Variants in ALKBH5 observed in about 807,000 individuals in gnomAD.
ALKBH5 encodes alkB homolog 5, RNA demethylase, also known as RNA demethylase ALKBH5.
In ALKBH5, 2 loss-of-function variants were observed where a neutral mutation model predicts 32.1. The ratio of observed to expected loss-of-function variants is 0.06; its 90% confidence interval spans 0.03 to 0.20. ALKBH5 has a LOEUF of 0.20. ALKBH5 is among the 10% of genes least tolerant of loss of function. The probability of loss-of-function intolerance (pLI) is 1.00; values close to 1 mark genes in which losing one functional copy is unlikely to be tolerated. For missense variants in ALKBH5, 352 were observed against 559.5 expected (o/e 0.63, Z 3.74); for synonymous variants, 300 against 231.7 (o/e 1.29, Z -2.68).
Position 18,184,336 on chromosome 17 carries a change from C to A in ALKBH5, c.93C>A (p.Ala31=). The A allele has an allele frequency of 6.6e-7, 1 of 1,510,006 alleles. No homozygotes were observed. The highest frequency in any genetic ancestry group is 2.6e-5 in the East Asian group (1 of 38,696). 93.5% of individuals were successfully genotyped at this position (1,510,006 alleles called of 1,614,324 possible). The change falls in exon 1 of 4, where the codon GCC becomes GCA. Residue 31 remains alanine (A), a synonymous_variant. Transcript: ENST00000399138. ...ATAAGGCGGGCAGCCGGGAGGCCGC[C>A]GCCGCTGCCGCAGCCGCCGTAGCCG... The part of the protein sequence containing the change: ...DNYKAGSREA[A]AAAAAAVAAA...
intron 1 of ALKBH5, among the ~76,000 whole-genome samples, chr17:18,192,039 C>T (rs1036248432): frequency 1.3e-5 from 2 of 152,036 alleles, no homozygotes; most frequent in Admixed American, 1.3e-4. Context: ...GTCTAGACCC[C>T]CATTCCCCCA....
chr17:18,196,407 A>G (rs977498599), intron 2 of ALKBH5, among the ~76,000 whole-genome samples: 2 of 152,096 alleles, frequency 1.3e-5, no homozygotes, highest in Non-Finnish European at 2.9e-5. Context: ...TTTCGTACAG[A>G]TGGGGTTTCC....
chr17:18,197,832 C>G (rs1026394293), intron 2 of ALKBH5, among the ~76,000 whole-genome samples: 7 of 152,204 alleles, frequency 4.6e-5, no homozygotes, highest in Non-Finnish European at 5.9e-5. Context: ...ACAGACTGGG[C>G]TGGAGTGCAG....
intron 2 of ALKBH5, among the ~76,000 whole-genome samples, chr17:18,199,110 T>C (rs759046500): frequency 6.6e-6 from 1 of 152,072 alleles, no homozygotes; most frequent in African/African-American, 2.4e-5. Flanking sequence ...GTTGTGCTGA[T>C]TGGGGAGAAT....
chr17:18,205,583 A>C (rs1483914118), intron 2 of ALKBH5, among the ~76,000 whole-genome samples: 1 of 152,140 alleles, frequency 6.6e-6, no homozygotes, highest in Non-Finnish European at 1.5e-5. Context: ...TTGAAGTCTC[A>C]CTTTGGCTTT....
chr17:18,187,013 G>A (rs2047143589), intron 1 of ALKBH5, among the ~76,000 whole-genome samples: 1 of 152,146 alleles, frequency 6.6e-6, no homozygotes, highest in South Asian at 2.1e-4. Flanking sequence ...CAACCACTCA[G>A]TGATCCCCTG....
chr17:18,208,486 G>A lies in ALKBH5; in HGVS notation c.*90G>A. ...GAGGGTTTTGTTTTTGTTCATTGGG[G>A]GGTTTTTGTTTTTTGTTTTTTGTTT... On this transcript the variant is annotated 3_prime_UTR_variant, in exon 4 of 4. Transcript: ENST00000399138. 4 of 1,432,180 alleles carry A rather than the reference G, an allele frequency of 2.8e-6. No homozygotes were observed. Among genetic ancestry groups the A allele is most frequent in the Non-Finnish European group, 3.8e-6 (4 of 1,044,312 alleles). 88.7% of individuals were successfully genotyped at this position (1,432,180 alleles called of 1,614,324 possible).
At position 18,208,222 on chromosome 17, in the gene ALKBH5, A is replaced by G. The variant is rs1878107031; in HGVS notation, c.1011A>G (p.Pro337=). 1 of 1,605,028 alleles carries G rather than the reference A, an allele frequency of 6.2e-7. No individual in the cohort carries two copies. The highest frequency in any genetic ancestry group is 1.3e-5 in the African/African-American group (1 of 74,622). The change falls in exon 4 of 4, where the codon CCA becomes CCG. Residue 337 remains proline (P), a synonymous_variant. Transcript: ENST00000399138. ...TCCTACCTCCCTTTCCTTGCAGGCC[A>G]CGGATCCTGGAGATGGACAAGGAAG... is the stretch of plus-strand genomic sequence containing the variant. ...RKADPDAAHR[P]RILEMDKEEN...
chr17:18,191,437 C>T (rs1043744735), intron 1 of ALKBH5, among the ~76,000 whole-genome samples: 21 of 152,332 alleles, frequency 1.4e-4, no homozygotes, highest in African/African-American at 4.6e-4. Context: ...AGGAACCTGA[C>T]ATGGCTTATT....
rs984916588 is a variant in ALKBH5 at position 18,184,822 on chromosome 17, C to T, written c.579C>T (p.Asn193=). 6.2e-7 allele frequency: 1 copy of T among 1,614,164 alleles called. No homozygotes were observed. The highest frequency in any genetic ancestry group is 1.7e-5 in the Admixed American group (1 of 60,034). ...PEGFVNSAVI[N]DYQPGGCIVS... ...GCTTCGTCAACAGCGCCGTCATCAA[C>T]GACTACCAGCCCGGCGGCTGCATCG... is the stretch of plus-strand genomic sequence containing the variant. The change falls in exon 1 of 4, where the codon AAC becomes AAT. Residue 193 remains asparagine (N), a synonymous_variant. Coordinates refer to ENST00000399138, the MANE Select transcript of ALKBH5 (RefSeq NM_017758.4).
intron 2 of ALKBH5, 151 bp downstream of exon 2, chr17:18,195,186 G>A (rs540008502): frequency 6.1e-4 from 392 of 640,688 alleles, no homozygotes; most frequent in Non-Finnish European, 8.6e-4. Flanking sequence ...TGAATCCTGT[G>A]AGGATAAAGT....
At chr17:18,188,911 A>G (rs943434031) in intron 1 of ALKBH5, among the ~76,000 whole-genome samples, 3 of 152,144 alleles carry the variant, frequency 2.0e-5, no homozygotes, top group African/African-American at 4.8e-5. Context: ...TACTAAAAAT[A>G]CAAAAACTAG....
At position 18,204,242 on chromosome 17, in the gene ALKBH5, G is replaced by C. The variant is rs1336968953; in HGVS notation, c.852-2573G>C. ...CAGGACGGGCAGATCACCTGAGGTC[G>C]GGAGTTCAAGACCAGCCTGACCAAC... On this transcript the variant is annotated intron_variant, in intron 2 of 3. Transcript: ENST00000399138. 3.3e-5 allele frequency among the ~76,000 whole-genome samples: 5 copies of C among 151,734 alleles called. 1 individual carries two copies. Among genetic ancestry groups the C allele is most frequent in the Non-Finnish European group, 5.9e-5 (4 of 67,970 alleles).
chr17:18,208,120 C>G, intron 3 of ALKBH5, 99 bp from the exon 4 acceptor site: 3 of 1,329,912 alleles, frequency 2.3e-6, no homozygotes, highest in Non-Finnish European at 3.1e-6. Flanking sequence ...GACCACTGAG[C>G]TGAAGTGACC....
intron 1 of ALKBH5, 118 bp downstream of exon 1, chr17:18,185,131 G>A: frequency 6.8e-7 from 1 of 1,477,414 alleles, no homozygotes; most frequent in Non-Finnish European, 9.0e-7. Context: ...CAGTTCTTCT[G>A]TTTGTAGATT....
chr17:18,206,040 C>T (rs916505965), intron 2 of ALKBH5, among the ~76,000 whole-genome samples: 1 of 152,152 alleles, frequency 6.6e-6, no homozygotes, highest in Non-Finnish European at 1.5e-5. Context: ...TTTTCCATGC[C>T]AGCTCCCTTC....
At chr17:18,204,618 C>G (rs1381368975) in intron 2 of ALKBH5, among the ~76,000 whole-genome samples, 1 of 151,886 alleles carries the variant, frequency 6.6e-6, no homozygotes, top group Non-Finnish European at 1.5e-5. Flanking sequence ...AAAAATTAGC[C>G]GAGTGTGGCA....
rs1555550987 is a variant in ALKBH5, at chr17:18,201,786, G to GGTAGGTA, written c.852-5028_852-5027insTAGGTAG. On this transcript the variant is annotated intron_variant, in intron 2 of 3. Transcript: ENST00000399138. ...AGATAGATAGATAGATAGATAGATAGGATAGATAAGATAGATAGATAGATA... is the reference window on the plus strand; with the variant it reads ...AGATAGATAGATAGATAGATAGATAGGTAGGTAGATAGATAAGATAGATAGATAGATA... 4.7e-5 allele frequency among the ~76,000 whole-genome samples: 4 copies of GGTAGGTA among 84,408 alleles called. No individual in the cohort carries two copies. In the South Asian group the frequency reaches 1.4e-3, roughly 30 times the overall value. The allele number at this position is 84,408 out of a possible 152,430, so 55.4% of individuals were successfully genotyped here. A position where few individuals can be genotyped will look rare whatever the true frequency, so the allele number is the denominator to read the frequency against.
Position 18,208,527 on chromosome 17 carries a change from A to G in ALKBH5, c.*131A>G, listed in dbSNP as rs1325933404. 8.8e-7 allele frequency: 1 copy of G among 1,132,344 alleles called. No homozygotes were observed. The allele number at this position is 1,132,344 out of a possible 1,614,324, so 70.1% of individuals were successfully genotyped here. On this transcript the variant is annotated 3_prime_UTR_variant, in exon 4 of 4. Transcript: ENST00000399138. ...TTTTTTGTTTTTTTTGATTCTATAT[A>G]TTTTTCCTTGGTTTTGTTGCCTGTT...
Sources: gnomAD v4.1 joint callset for allele counts (sites outside exome capture counted in the v4.1 genomes callset) on GRCh38, gnomAD v4.1.1 for gene constraint, MANE v1.5 for transcripts, NCBI Gene and HGNC (gene_info 2026-07-23, HGNC 2026-07-21) for gene names.